CACNA2D1: variants seen among roughly 807,000 people sequenced by gnomAD.
CACNA2D1 encodes voltage-dependent calcium channel subunit alpha-2/delta-1.
Under a neutral mutation model 171.5 loss-of-function variants are expected in CACNA2D1, and 53 were observed. That is an observed-to-expected ratio of 0.31 (90% CI 0.25 to 0.39). The LOEUF (loss-of-function observed/expected upper bound fraction) is 0.39. Ranked by LOEUF, CACNA2D1 falls within the 10% of genes least tolerant of loss-of-function variation. The pLI is 1.00. For synonymous variants in CACNA2D1, 442 were observed against 443.1 expected (o/e 1.00, Z 0.03); for missense variants, 903 against 1,299.8 (o/e 0.69, Z 4.69).
At chr7:82,000,263 A>AT (rs1464601521) in intron 18 of CACNA2D1, among the ~76,000 whole-genome samples, 1 of 152,108 alleles carries the variant, frequency 6.6e-6, no homozygotes, top group Admixed American at 6.6e-5. Flanking sequence ...TCTCAGAAAA[A>AT]AAATAAATAA....
At chr7:81,978,625 T>C (rs954179892) in intron 24 of CACNA2D1, among the ~76,000 whole-genome samples, 1 of 151,890 alleles carries the variant, frequency 6.6e-6, no homozygotes, top group African/African-American at 2.4e-5. Context: ...CTAATTCATG[T>C]GGGGCTTAAA....
At chr7:82,100,617 T>C (rs1383846849) in intron 6 of CACNA2D1, among the ~76,000 whole-genome samples, 3 of 152,192 alleles carry the variant, frequency 2.0e-5, no homozygotes, top group African/African-American at 7.2e-5. Flanking sequence ...AACTTTTATC[T>C]GGAATTTGAA....
At chr7:82,087,560 T>TAAAAAAAAA (rs34472151) in intron 6 of CACNA2D1, among the ~76,000 whole-genome samples, 1 of 144,766 alleles carries the variant, frequency 6.9e-6, no homozygotes. Flanking sequence ...TGAAAGCAGC[T>TAAAAAAAAA]AAAAAAAAAA....
chr7:82,404,473 G>T (rs1433307809), intron 1 of CACNA2D1, among the ~76,000 whole-genome samples: 1 of 152,186 alleles, frequency 6.6e-6, no homozygotes, highest in Non-Finnish European at 1.5e-5. Context: ...ATCCTTAAAT[G>T]AGTTTAGGTG....
chr7:82,178,625 CT>C, intron 3 of CACNA2D1, among the ~76,000 whole-genome samples: 1 of 152,092 alleles, frequency 6.6e-6, no homozygotes, highest in African/African-American at 2.4e-5. Context: ...ATAGATAAAC[CT>C]TGAAAACACT....
intron 1 of CACNA2D1, among the ~76,000 whole-genome samples, chr7:82,386,303 C>T (rs1039686025): frequency 6.6e-6 from 1 of 152,158 alleles, no homozygotes; most frequent in Non-Finnish European, 1.5e-5. Flanking sequence ...GACACTTTTA[C>T]ATAAAATACA....
chr7:82,187,934 A>C (rs1252814967), intron 3 of CACNA2D1, among the ~76,000 whole-genome samples: 2 of 152,206 alleles, frequency 1.3e-5, no homozygotes, highest in Non-Finnish European at 2.9e-5. Context: ...GATATATCCA[A>C]GAAAGAGATG....
At chr7:82,038,587 G>T (rs1447200399) in intron 10 of CACNA2D1, among the ~76,000 whole-genome samples, 1 of 152,116 alleles carries the variant, frequency 6.6e-6, no homozygotes, top group Non-Finnish European at 1.5e-5. Flanking sequence ...GAAATGATAT[G>T]GGATGCTTGC....
chr7:82,306,222 C>T (rs1813711888), intron 3 of CACNA2D1, among the ~76,000 whole-genome samples: 1 of 152,066 alleles, frequency 6.6e-6, no homozygotes, highest in African/African-American at 2.4e-5. Flanking sequence ...TTGGTCTCAG[C>T]CATCCAGATG....
At chr7:82,144,753 A>G (rs1792789179) in intron 4 of CACNA2D1, among the ~76,000 whole-genome samples, 1 of 152,098 alleles carries the variant, frequency 6.6e-6, no homozygotes, top group African/African-American at 2.4e-5. Flanking sequence ...ATGATGGATC[A>G]ATTTTTTTAC....
intron 3 of CACNA2D1, among the ~76,000 whole-genome samples, chr7:82,256,102 C>A (rs1806266266): frequency 6.6e-6 from 1 of 152,056 alleles, no homozygotes; most frequent in South Asian, 2.1e-4. Flanking sequence ...CATGGTGAAA[C>A]CCCATCTCTT....
intron 10 of CACNA2D1, among the ~76,000 whole-genome samples, chr7:82,049,270 G>A (rs915793176): frequency 6.6e-6 from 1 of 151,590 alleles, no homozygotes; most frequent in Admixed American, 6.6e-5. Context: ...TTTTATAAAG[G>A]TCCCATCTTT....
At chr7:82,221,739 A>C (rs1210981857) in intron 3 of CACNA2D1, among the ~76,000 whole-genome samples, 1 of 150,468 alleles carries the variant, frequency 6.6e-6, no homozygotes, top group East Asian at 2.0e-4. Flanking sequence ...GTGAGACTCC[A>C]TCTCAAAGAA....
In CACNA2D1 at chr7:82,255,679, T is replaced by A. The variant is rs529005406; in HGVS notation, c.294+79456A>T. Among the ~76,000 whole-genome samples, 17 of 152,246 alleles carry A rather than the reference T, an allele frequency of 1.1e-4. No individual in the cohort carries two copies. The South Asian group carries it at 1.7e-3, about 15-fold the overall frequency. ...TTGACATAAGAATTAATGGGAACAATCAGAATATACTGATACATCCAGGAA... is the reference window on the plus strand; with the variant it reads ...TTGACATAAGAATTAATGGGAACAAACAGAATATACTGATACATCCAGGAA... On this transcript the variant is annotated intron_variant, in intron 3 of 38. Coordinates refer to ENST00000356860, the MANE Select transcript of CACNA2D1 (RefSeq NM_000722.4).
intron 1 of CACNA2D1, among the ~76,000 whole-genome samples, chr7:82,403,141 G>A (rs1182356079): frequency 6.6e-6 from 1 of 152,092 alleles, no homozygotes; most frequent in Non-Finnish European, 1.5e-5. Flanking sequence ...AAGGTAAGGG[G>A]AGAAGACTGG....
intron 4 of CACNA2D1, among the ~76,000 whole-genome samples, chr7:82,159,996 A>T (rs1472637613): frequency 1.3e-5 from 2 of 151,190 alleles, no homozygotes; most frequent in African/African-American, 4.9e-5. Flanking sequence ...TAAAGACACC[A>T]AACAATCAAA....
At chr7:82,173,780 T>C (rs764712206) in intron 3 of CACNA2D1, among the ~76,000 whole-genome samples, 9 of 151,964 alleles carry the variant, frequency 5.9e-5, no homozygotes, top group Admixed American at 4.6e-4. Context: ...ACATGGCTCA[T>C]GCCTGTAATC....
At chr7:82,117,275 A>G in intron 5 of CACNA2D1, 102 bp from the exon 6 acceptor site, 1 of 1,131,340 alleles carries the variant, frequency 8.8e-7, no homozygotes. Context: ...CAAAAAATAA[A>G]TCTACAACAA....
chr7:82,043,360 T>G (rs1462529282), intron 10 of CACNA2D1, among the ~76,000 whole-genome samples: 1 of 152,128 alleles, frequency 6.6e-6, no homozygotes, highest in Non-Finnish European at 1.5e-5. Flanking sequence ...ATTATTTTAG[T>G]AAAAAGGATT....
Sources: gnomAD v4.1 joint callset for allele counts (sites outside exome capture counted in the v4.1 genomes callset) on GRCh38, gnomAD v4.1.1 for gene constraint, MANE v1.5 for transcripts, NCBI Gene and HGNC (gene_info 2026-07-23, HGNC 2026-07-21) for gene names.